The following PRDM2 variants were observed in gnomAD, a reference collection of about 807,000 sequenced individuals.
The protein encoded by PRDM2 is PR/SET domain 2.
PRDM2 carries 30 observed loss-of-function variants against 130.0 expected under a neutral mutation model. The observed-to-expected ratio is 0.23, with a 90% CI of 0.17 to 0.31. PRDM2 has a LOEUF of 0.31. Ranked by LOEUF, PRDM2 falls within the 10% of genes least tolerant of loss-of-function variation. The pLI, the probability that PRDM2 is intolerant of heterozygous loss-of-function variation, is 1.00. For missense variants in PRDM2, 2,011 were observed against 2,108.4 expected (o/e 0.95, Z 0.90); for synonymous variants, 871 against 782.4 (o/e 1.11, Z -1.89).
chr1:13,749,489 TAGG>T lies in PRDM2; in HGVS notation c.511+5_511+7del. On this transcript the variant is annotated splice_donor_5th_base_variant and intron_variant, in intron 6 of 9. Coordinates refer to ENST00000311066, the MANE Select transcript of PRDM2 (RefSeq NM_001393986.1). Reference sequence around the variant, plus strand: ...GGAGCTCCCCCAAGAGCCGGAAAGGTAGGAGCCCCCCGGCCCGCCCGCCCGGCC... The same window carrying T: ...GGAGCTCCCCCAAGAGCCGGAAAGGTAGCCCCCCGGCCCGCCCGCCCGGCC... 1 of 1,422,652 alleles carries T rather than the reference TAGG, an allele frequency of 7.0e-7. No homozygotes were observed. The highest frequency in any genetic ancestry group is 9.4e-7 in the Non-Finnish European group (1 of 1,068,914). The allele number at this position is 1,422,652 out of a possible 1,614,324, so 88.1% of individuals were successfully genotyped here. A position where few individuals can be genotyped will look rare whatever the true frequency, so the allele number is the denominator to read the frequency against.
rs775947221 is a variant in PRDM2, at chr1:13,816,454, C to T, written c.5064C>T (p.Cys1688=). Residue 1688 remains cysteine (C), a synonymous_variant, in exon 9 of 10, where the codon TGC becomes TGT. Transcript: ENST00000311066. ...FSYSLRLASR[C]SPPAAPYITR... ...ACAGCCTCCGCTTGGCGTCCCGATGCTCTCCACCAGCGGCCCCGTACATCA... is the reference window on the plus strand; with the variant it reads ...ACAGCCTCCGCTTGGCGTCCCGATGTTCTCCACCAGCGGCCCCGTACATCA... 1 of 1,614,156 alleles carries T rather than the reference C, an allele frequency of 6.2e-7. No homozygotes were observed. The highest frequency in any genetic ancestry group is 1.1e-5 in the South Asian group (1 of 91,084).
Position 13,770,388 on chromosome 1 carries a change from C to G in PRDM2, c.512-2690C>G, listed in dbSNP as rs545330417. 603 of 447,020 alleles carry G rather than the reference C, an allele frequency of 1.3e-3. 11 individuals are homozygous for G. The highest frequency in any genetic ancestry group is 9.5e-3 in the South Asian group (583 of 61,404). 27.7% of individuals were successfully genotyped at this position (447,020 alleles called of 1,614,324 possible). A position where few individuals can be genotyped will look rare whatever the true frequency, so the allele number is the denominator to read the frequency against. ...CTTAATGGTATTAAGATTGTACTTCCTTTTGTTAAGATATAAATCTAGACA... is the reference window on the plus strand; with the variant it reads ...CTTAATGGTATTAAGATTGTACTTCGTTTTGTTAAGATATAAATCTAGACA... On this transcript the variant is annotated intron_variant, in intron 6 of 9. Transcript: ENST00000311066.
chr1:13,794,809 TGTA>T (rs1057259694), intron 8 of PRDM2, among the ~76,000 whole-genome samples: 14 of 152,218 alleles, frequency 9.2e-5, no homozygotes, highest in Admixed American at 1.3e-4. Flanking sequence ...CAGCGTGAGT[TGTA>T]GTAGCCAGAA....
At chr1:13,808,219 C>T (rs1192476037) in intron 8 of PRDM2, among the ~76,000 whole-genome samples, 3 of 152,094 alleles carry the variant, frequency 2.0e-5, no homozygotes, top group South Asian at 4.1e-4. Context: ...GGGCCGGGCG[C>T]GGTGGCTCAC....
chr1:13,747,867 A>C (rs746453573), intron 5 of PRDM2, among the ~76,000 whole-genome samples: 1 of 152,144 alleles, frequency 6.6e-6, no homozygotes, highest in Non-Finnish European at 1.5e-5. Context: ...ACAGCAACAC[A>C]TTATTTTACT....
At chr1:13,758,485 C>T (rs922852926) in intron 6 of PRDM2, among the ~76,000 whole-genome samples, 1 of 151,948 alleles carries the variant, frequency 6.6e-6, no homozygotes, top group Non-Finnish European at 1.5e-5. Flanking sequence ...TAACACCCGC[C>T]CCAACCACCC....
chr1:13,778,300 C>G, intron 7 of PRDM2, 118 bp from the exon 8 acceptor site: 1 of 1,042,902 alleles, frequency 9.6e-7, no homozygotes, highest in South Asian at 1.7e-5. Context: ...TATTGTTCAT[C>G]ATCATCTCCC....
intron 6 of PRDM2, chr1:13,768,902 T>C (rs936644493): frequency 1.3e-5 from 2 of 154,020 alleles, no homozygotes; most frequent in African/African-American, 4.8e-5. Context: ...ATTGGTCTTA[T>C]TCTCAGCAAC....
chr1:13,794,902 C>T (rs1449596326), intron 8 of PRDM2, among the ~76,000 whole-genome samples: 4 of 152,210 alleles, frequency 2.6e-5, no homozygotes, highest in Admixed American at 2.6e-4. Context: ...CTACCAGTGG[C>T]ACCAAGGACC....
intron 8 of PRDM2, among the ~76,000 whole-genome samples, chr1:13,794,267 C>T (rs902489612): frequency 3.9e-5 from 6 of 152,212 alleles, no homozygotes; most frequent in Admixed American, 1.3e-4. Context: ...ATCTGTCACA[C>T]TGCCTGGTCC....
At chr1:13,775,796 A>G (rs945286864) in intron 7 of PRDM2, among the ~76,000 whole-genome samples, 35 of 152,190 alleles carry the variant, frequency 2.3e-4, no homozygotes, top group African/African-American at 7.9e-4. Flanking sequence ...TTAGCACAGC[A>G]GCCAGCATCT....
chr1:13,783,158 A>C, intron 8 of PRDM2: 1 of 547,486 alleles, frequency 1.8e-6, no homozygotes, highest in Non-Finnish European at 3.5e-6. Flanking sequence ...GTCTTGGGTA[A>C]TAGCTCAGTG....
At chr1:13,700,501 G>GC (rs1642037774) in intron 1 of PRDM2, among the ~76,000 whole-genome samples, 1 of 150,732 alleles carries the variant, frequency 6.6e-6, no homozygotes, top group Middle Eastern at 3.2e-3. Context: ...CGGGTCGGTG[G>GC]CCCCGCGGGT....
intron 5 of PRDM2, among the ~76,000 whole-genome samples, chr1:13,747,769 C>CAAAAAAAAAAAAAAAAAAA (rs78988090): frequency 8.3e-5 from 4 of 48,380 alleles, no homozygotes; most frequent in East Asian, 6.1e-4. Flanking sequence ...TCCCTCCCCG[C>CAAAAAAAAAAAAAAAAAAA]AAAAAAAAAA....
At position 13,778,659 on chromosome 1, in the gene PRDM2, G is replaced by T. The variant is rs914437229; in HGVS notation, c.864G>T (p.Glu288Asp). 7.4e-6 allele frequency: 12 copies of T among 1,613,608 alleles called. No individual in the cohort carries two copies. Among genetic ancestry groups the T allele is most frequent in the African/African-American group, 1.3e-5 (1 of 75,014 alleles). The change falls in exon 8 of 10, where the codon GAG becomes GAT. Residue 288 changes from glutamate (E) to aspartate (D), a missense_variant. This residue lies in a region of PRDM2 where 1,288 missense variants were observed against 1,237.7 expected (regional missense o/e 1.04). Coordinates refer to ENST00000311066, the MANE Select transcript of PRDM2 (RefSeq NM_001393986.1). ...EEEEEDDDDD[E>D]LEDEGEEEAS... ...AAGAAGAAGATGATGATGATGATGA[G>T]TTGGAAGACGAGGGGGAAGAAGAAG...
intron 2 of PRDM2, among the ~76,000 whole-genome samples, chr1:13,725,850 C>T (rs1642897143): frequency 6.6e-6 from 1 of 152,122 alleles, no homozygotes; most frequent in Admixed American, 6.5e-5. Context: ...GGTATGAGAC[C>T]CCACTGGGTT....
chr1:13,723,704 TCTCTC>T (rs776397710), intron 2 of PRDM2, among the ~76,000 whole-genome samples: 3 of 152,322 alleles, frequency 2.0e-5, no homozygotes, highest in South Asian at 2.1e-4. Flanking sequence ...TTTCGGCTGT[TCTCTC>T]CTCTGCTTTC....
intron 8 of PRDM2, among the ~76,000 whole-genome samples, chr1:13,795,467 G>A (rs930792046): frequency 6.6e-6 from 1 of 152,192 alleles, no homozygotes; most frequent in African/African-American, 2.4e-5. Flanking sequence ...GCTACCTCTC[G>A]TCTGTGGATC....
chr1:13,709,916 A>G (rs1359693197), intron 1 of PRDM2, among the ~76,000 whole-genome samples: 1 of 152,092 alleles, frequency 6.6e-6, no homozygotes, highest in Non-Finnish European at 1.5e-5. Flanking sequence ...TTTTCCAGTT[A>G]CTCCTCCCTC....
Sources: gnomAD v4.1 joint callset for allele counts (sites outside exome capture counted in the v4.1 genomes callset) on GRCh38, gnomAD v4.1.1 for gene constraint, gnomAD v4.1.1 regional missense constraint, MANE v1.5 for transcripts, NCBI Gene and HGNC (gene_info 2026-07-23, HGNC 2026-07-21) for gene names.